STXBP6: variants seen among roughly 807,000 people sequenced by gnomAD.
The protein encoded by STXBP6 is syntaxin binding protein 6.
A neutral mutation model predicts 26.9 loss-of-function variants in STXBP6; 21 were observed. That is an observed-to-expected ratio of 0.78 (90% CI 0.55 to 1.12). The LOEUF is 1.12. STXBP6 is among the 50% of genes most tolerant of loss of function. The pLI is 0.00. For missense variants in STXBP6, 232 were observed against 257.9 expected (o/e 0.90, Z 0.69); for synonymous variants, 97 against 92.6 (o/e 1.05, Z -0.27).
At chr14:24,898,643 C>T (rs2071089470) in intron 2 of STXBP6, among the ~76,000 whole-genome samples, 1 of 152,200 alleles carries the variant, frequency 6.6e-6, no homozygotes, top group African/African-American at 2.4e-5. Context: ...CACCACTGCA[C>T]TCCAGACTGG....
chr14:24,834,813 G>T (rs144345407), intron 4 of STXBP6, among the ~76,000 whole-genome samples: 109 of 152,252 alleles, frequency 7.2e-4, no homozygotes, highest in African/African-American at 2.5e-3. Context: ...TGACTTGTTT[G>T]CAGACTATGT....
Position 24,906,125 on chromosome 14 carries a change from T to A in STXBP6, c.155-48968A>T, listed in dbSNP as rs1015700374. On this transcript the variant is annotated intron_variant, in intron 2 of 5. Coordinates refer to ENST00000323944, the MANE Select transcript of STXBP6 (RefSeq NM_001394410.1). The stretch of plus-strand genomic sequence containing the variant: ...TTCCCATCCAAATAATTAGGTTTTT[T>A]AAAAATCATTTTCATCCCTTAATTT... Among the ~76,000 whole-genome samples the A allele has an allele frequency of 3.9e-5, 6 of 152,198 alleles. No individual in the cohort carries two copies. The East Asian group carries it at 9.6e-4, about 24-fold the overall frequency.
chr14:24,886,498 T>A (rs538984092), intron 2 of STXBP6, among the ~76,000 whole-genome samples: 2 of 152,352 alleles, frequency 1.3e-5, no homozygotes, highest in South Asian at 4.1e-4. Flanking sequence ...GTTATCATAA[T>A]AACCATCTCT....
At chr14:24,869,915 G>C (rs1291851660) in intron 2 of STXBP6, among the ~76,000 whole-genome samples, 1 of 152,146 alleles carries the variant, frequency 6.6e-6, no homozygotes, top group Admixed American at 6.5e-5. Flanking sequence ...ATAGAGCTCA[G>C]TGCTTATCCA....
intron 1 of STXBP6, among the ~76,000 whole-genome samples, chr14:25,006,179 A>G (rs1025151646): frequency 2.6e-5 from 4 of 152,174 alleles, no homozygotes; most frequent in Non-Finnish European, 5.9e-5. Context: ...TGAACTAGGG[A>G]TTCAAGCTGA....
intron 1 of STXBP6, among the ~76,000 whole-genome samples, chr14:25,031,725 T>C (rs1194785153): frequency 6.6e-6 from 1 of 152,022 alleles, no homozygotes; most frequent in African/African-American, 2.4e-5. Flanking sequence ...CAATTTTTTT[T>C]TTTTTTTTTG....
intron 1 of STXBP6, among the ~76,000 whole-genome samples, chr14:24,976,857 T>TG (rs1380211119): frequency 3.7e-4 from 46 of 123,018 alleles, no homozygotes; most frequent in Non-Finnish European, 4.7e-4. Context: ...GCGCTCTTTT[T>TG]TTTTTTTTTT....
intron 2 of STXBP6, among the ~76,000 whole-genome samples, chr14:24,888,159 C>T (rs2070657459): frequency 6.6e-6 from 1 of 152,144 alleles, no homozygotes; most frequent in African/African-American, 2.4e-5. Flanking sequence ...TTAAACCTCA[C>T]TAAAGTGACT....
intron 1 of STXBP6, among the ~76,000 whole-genome samples, chr14:25,012,892 A>T (rs1210315470): frequency 1.3e-5 from 2 of 152,134 alleles, no homozygotes; most frequent in Admixed American, 1.3e-4. Flanking sequence ...ACACAAAGGG[A>T]TTCCCATCGG....
intron 2 of STXBP6, among the ~76,000 whole-genome samples, chr14:24,948,442 A>C (rs1409284933): frequency 6.6e-6 from 1 of 152,154 alleles, no homozygotes; most frequent in African/African-American, 2.4e-5. Context: ...CTGTGGCATG[A>C]AGGTTCCTCA....
intron 2 of STXBP6, among the ~76,000 whole-genome samples, chr14:24,938,380 T>G (rs2072676554): frequency 6.6e-6 from 1 of 152,170 alleles, no homozygotes; most frequent in African/African-American, 2.4e-5. Context: ...TCTCTGACAA[T>G]TTTATCATTA....
At chr14:24,982,596 C>G (rs540093146) in intron 1 of STXBP6, among the ~76,000 whole-genome samples, 1 of 152,314 alleles carries the variant, frequency 6.6e-6, no homozygotes, top group East Asian at 1.9e-4. Flanking sequence ...ACTATGAGAC[C>G]CGATTGGCTT....
At chr14:25,024,519 G>A (rs372630063) in intron 1 of STXBP6, among the ~76,000 whole-genome samples, 1 of 152,032 alleles carries the variant, frequency 6.6e-6, no homozygotes, top group Non-Finnish European at 1.5e-5. Context: ...TCCAGCTCCT[G>A]GGACTGAATG....
chr14:25,026,762 C>T (rs2075356835), intron 1 of STXBP6, among the ~76,000 whole-genome samples: 1 of 152,146 alleles, frequency 6.6e-6, no homozygotes, highest in Non-Finnish European at 1.5e-5. Context: ...GACACACACC[C>T]AAACAGCAGC....
chr14:25,040,943 TG>T (rs575553764), intron 1 of STXBP6, among the ~76,000 whole-genome samples: 13 of 152,348 alleles, frequency 8.5e-5, no homozygotes, highest in African/African-American at 3.1e-4. Context: ...TTCTCAGTAG[TG>T]AAATTGGGAG....
chr14:24,894,608 A>G (rs966670660), intron 2 of STXBP6, among the ~76,000 whole-genome samples: 1 of 152,162 alleles, frequency 6.6e-6, no homozygotes, highest in Non-Finnish European at 1.5e-5. Context: ...TCTTTTGGCT[A>G]TATTTATCAC....
At chr14:25,015,970 C>A (rs1006034887) in intron 1 of STXBP6, among the ~76,000 whole-genome samples, 1 of 152,124 alleles carries the variant, frequency 6.6e-6, no homozygotes, top group Non-Finnish European at 1.5e-5. Flanking sequence ...TGCTGATCTG[C>A]CATTGACTAG....
intron 4 of STXBP6, among the ~76,000 whole-genome samples, chr14:24,833,743 T>C (rs2068527774): frequency 6.6e-6 from 1 of 152,252 alleles, no homozygotes; most frequent in Admixed American, 6.5e-5. Flanking sequence ...CTATCAAAGA[T>C]ATAATTATGT....
chr14:25,019,350 G>GA (rs887018065), intron 1 of STXBP6, among the ~76,000 whole-genome samples: 15 of 150,456 alleles, frequency 1.0e-4, no homozygotes, highest in Middle Eastern at 3.4e-3. Flanking sequence ...AATAGTTTGA[G>GA]AAAAAAAAAT....
Sources: allele counts gnomAD v4.1 joint callset (sites outside exome capture counted in the v4.1 genomes callset), GRCh38; gene constraint gnomAD v4.1.1; transcripts MANE v1.5; gene names NCBI Gene and HGNC (gene_info 2026-07-23, HGNC 2026-07-21).